The following DPP10 variants were observed in gnomAD, a reference collection of about 807,000 sequenced individuals.
DPP10 encodes dipeptidyl peptidase like 10.
Under a neutral mutation model 120.9 loss-of-function variants are expected in DPP10, and 33 were observed. The ratio of observed to expected loss-of-function variants is 0.27; its 90% CI spans 0.21 to 0.37. The LOEUF (loss-of-function observed/expected upper bound fraction) is 0.37, where lower values mean the gene tolerates loss of function less well. Ranked by LOEUF, DPP10 falls within the 10% of genes least tolerant of loss-of-function variation. The probability of loss-of-function intolerance (pLI) is 1.00; values close to 1 mark genes in which losing one functional copy is unlikely to be tolerated. For missense variants in DPP10, 816 were observed against 942.8 expected (o/e 0.87, Z 1.76); for synonymous variants, 337 against 326.1 (o/e 1.03, Z -0.36).
intron 3 of DPP10, among the ~76,000 whole-genome samples, chr2:115,442,361 G>A (rs1574858107): frequency 7.2e-6 from 1 of 138,326 alleles, no homozygotes; most frequent in African/African-American, 3.2e-5. Context: ...GTGTGTGTGT[G>A]TTTGTGTGTG....
chr2:114,554,105 A>G (rs1688097067), intron 1 of DPP10, among the ~76,000 whole-genome samples: 1 of 152,196 alleles, frequency 6.6e-6, no homozygotes, highest in Non-Finnish European at 1.5e-5. Context: ...TTGCTAAAGG[A>G]GATTTGAGTA....
chr2:114,648,077 T>C (rs1333181441), intron 1 of DPP10, among the ~76,000 whole-genome samples: 3 of 152,190 alleles, frequency 2.0e-5, no homozygotes, highest in Non-Finnish European at 2.9e-5. Flanking sequence ...CCTTCATAGA[T>C]TGTTTTCTAG....
At position 114,682,773 on chromosome 2, in the gene DPP10, T is replaced by C. The variant is rs1355260296; in HGVS notation, c.60+239935T>C. On this transcript the variant is annotated intron_variant, in intron 1 of 25. Coordinates refer to ENST00000410059, the MANE Select transcript of DPP10 (RefSeq NM_020868.6). ...CTATCTATCTATCTATCTGTCTGTCTATCTATCTATCTATCTATCTATCTA... is the reference window on the plus strand; with the variant it reads ...CTATCTATCTATCTATCTGTCTGTCCATCTATCTATCTATCTATCTATCTA... Among the ~76,000 whole-genome samples, 5 of 69,806 alleles carry C rather than the reference T, an allele frequency of 7.2e-5. No homozygotes were observed. In the East Asian group the frequency reaches 1.3e-3, roughly 18 times the overall value. The allele number at this position is 69,806 out of a possible 152,430, so 45.8% of individuals were successfully genotyped here.
In DPP10 at chr2:115,038,039, G is replaced by A. The variant is rs1394188332; in HGVS notation, c.61-271200G>A. Among the ~76,000 whole-genome samples the A allele has an allele frequency of 3.3e-5, 5 of 151,888 alleles. No individual in the cohort carries two copies. The South Asian group carries it at 8.3e-4, about 25-fold the overall frequency. ...GTTTCAACTACTATATTTTACTTGG[G>A]TTTCTTATTTTTGTTTGTTTATTTC... On this transcript the variant is annotated intron_variant, in intron 1 of 25. Transcript: ENST00000410059.
At chr2:115,625,093 T>TAA (rs11377783) in intron 5 of DPP10, among the ~76,000 whole-genome samples, 3,343 of 149,844 alleles carry the variant, frequency 0.022, 112 homozygotes, top group African/African-American at 0.077. Flanking sequence ...TGCTATTTAA[T>TAA]AAAAAAAAAA....
chr2:115,439,426 TAAC>T (rs758001616), intron 3 of DPP10, among the ~76,000 whole-genome samples: 6 of 152,208 alleles, frequency 3.9e-5, no homozygotes, highest in Non-Finnish European at 8.8e-5. Context: ...TGAAAACCCT[TAAC>T]ACCACTGAAC....
chr2:114,957,484 TG>T (rs1170138407), intron 1 of DPP10, among the ~76,000 whole-genome samples: 1 of 152,114 alleles, frequency 6.6e-6, no homozygotes, highest in African/African-American at 2.4e-5. Context: ...GGGGAAACTT[TG>T]TTGTTGGTGG....
rs114863948 is a variant in DPP10 at position 115,410,934 on chromosome 2, A to G, written c.271+67022A>G. Among the ~76,000 whole-genome samples, 870 of 152,230 alleles carry G rather than the reference A, an allele frequency of 5.7e-3. 9 individuals carry two copies. Among genetic ancestry groups the G allele is most frequent in the African/African-American group, 0.02 (833 of 41,538 alleles). On this transcript the variant is annotated intron_variant, in intron 3 of 25. Transcript: ENST00000410059. ...AGACTAATTTGTCTTTCATTTTTTA[A>G]TGTTTTCACTTCTTTTTTAGTTACA...
At chr2:115,466,160 T>C (rs1360420413) in intron 3 of DPP10, among the ~76,000 whole-genome samples, 1 of 151,980 alleles carries the variant, frequency 6.6e-6, no homozygotes, top group African/African-American at 2.4e-5. Context: ...ACCTTTGCTT[T>C]AGAAACTTAT....
chr2:114,767,197 A>G (rs1680794360), intron 1 of DPP10, among the ~76,000 whole-genome samples: 1 of 117,850 alleles, frequency 8.5e-6, no homozygotes, highest in Admixed American at 9.6e-5. Context: ...ATGCTCAGGT[A>G]GGATAAAAGC....
At chr2:115,214,992 T>C (rs1252951390) in intron 1 of DPP10, among the ~76,000 whole-genome samples, 1 of 152,204 alleles carries the variant, frequency 6.6e-6, no homozygotes, top group East Asian at 1.9e-4. Flanking sequence ...AGGACACAAA[T>C]TGGGAAATAC....
At chr2:115,506,343 A>C (rs1402325111) in intron 4 of DPP10, among the ~76,000 whole-genome samples, 1 of 152,182 alleles carries the variant, frequency 6.6e-6, no homozygotes, top group Non-Finnish European at 1.5e-5. Flanking sequence ...AGCTCATTAT[A>C]GAGCTAGAAA....
intron 1 of DPP10, among the ~76,000 whole-genome samples, chr2:114,456,920 G>A (rs1416758268): frequency 6.6e-6 from 1 of 152,214 alleles, no homozygotes; most frequent in Non-Finnish European, 1.5e-5. Context: ...TGGTTATAGA[G>A]TCCAAGTTCT....
At chr2:115,291,859 C>T (rs147063359) in intron 1 of DPP10, among the ~76,000 whole-genome samples, 3 of 152,200 alleles carry the variant, frequency 2.0e-5, no homozygotes, top group African/African-American at 7.2e-5. Context: ...TGTGCCACCA[C>T]GTGCTCCCTA....
intron 1 of DPP10, among the ~76,000 whole-genome samples, chr2:114,956,968 T>A (rs1574568937): frequency 2.8e-5 from 3 of 107,056 alleles, no homozygotes; most frequent in Admixed American, 1.1e-4. Flanking sequence ...ATGTAAGACC[T>A]AAAACTCTAA....
At chr2:114,793,931 A>G (rs924277783) in intron 1 of DPP10, among the ~76,000 whole-genome samples, 2 of 152,014 alleles carry the variant, frequency 1.3e-5, no homozygotes, top group African/African-American at 2.4e-5. Context: ...CAAATACAAT[A>G]CCTCTTTTAT....
chr2:115,695,170 T>A (rs2091517857), intron 7 of DPP10, among the ~76,000 whole-genome samples: 1 of 152,140 alleles, frequency 6.6e-6, no homozygotes, highest in African/African-American at 2.4e-5. Flanking sequence ...AATTAGCAAG[T>A]CACCATACAT....
At chr2:114,826,183 TAAG>T (rs1171909354) in intron 1 of DPP10, among the ~76,000 whole-genome samples, 1 of 152,152 alleles carries the variant, frequency 6.6e-6, no homozygotes, top group Non-Finnish European at 1.5e-5. Flanking sequence ...CCTGGGTAGC[TAAG>T]AAGAGAATAA....
chr2:115,562,993 T>C (rs2080782838), intron 5 of DPP10, among the ~76,000 whole-genome samples: 1 of 152,238 alleles, frequency 6.6e-6, no homozygotes, highest in African/African-American at 2.4e-5. Flanking sequence ...ATGACAGTTA[T>C]TCATACACGA....
Sources: allele counts gnomAD v4.1 joint callset (sites outside exome capture counted in the v4.1 genomes callset), GRCh38; gene constraint gnomAD v4.1.1; transcripts MANE v1.5; gene names NCBI Gene and HGNC (gene_info 2026-07-23, HGNC 2026-07-21).